Variants in ANKAR observed in about 807,000 individuals in gnomAD.
ANKAR encodes the protein ankyrin and armadillo repeat-containing protein.
Under a neutral mutation model 146.2 loss-of-function variants are expected in ANKAR, and 136 were observed. The observed-to-expected ratio is 0.93, with a 90% CI of 0.81 to 1.07. The LOEUF (loss-of-function observed/expected upper bound fraction) is 1.07. Ranked by LOEUF, ANKAR falls within the 50% of genes least tolerant of loss-of-function variation. The pLI is 0.00. For missense variants in ANKAR, 1,567 were observed against 1,679.9 expected (o/e 0.93, Z 1.18); for synonymous variants, 500 against 575.8 (o/e 0.87, Z 1.88).
intron 7 of ANKAR, 47 bp from the exon 8 acceptor site, chr2:189,704,976 G>C: frequency 6.4e-7 from 1 of 1,562,850 alleles, no homozygotes; most frequent in East Asian, 2.2e-5. Flanking sequence ...GTTTTTTTTA[G>C]GAATGGTAGT....
downstream of ANKAR, among the ~76,000 whole-genome samples, chr2:189,748,897 C>A (rs954501675): frequency 6.6e-6 from 1 of 152,116 alleles, no homozygotes; most frequent in African/African-American, 2.4e-5. Flanking sequence ...CCTAGCCAGA[C>A]CATCCTACCA....
At chr2:189,730,052 G>A (rs1347771537) in intron 15 of ANKAR, among the ~76,000 whole-genome samples, 1 of 151,774 alleles carries the variant, frequency 6.6e-6, no homozygotes, top group East Asian at 1.9e-4. Flanking sequence ...GTTATAAAGA[G>A]ACATAGTAAG....
chr2:189,734,126 G>A (rs1239006555), intron 17 of ANKAR, among the ~76,000 whole-genome samples: 3 of 152,048 alleles, frequency 2.0e-5, no homozygotes, highest in Non-Finnish European at 4.4e-5. Context: ...CATAGCATGA[G>A]GTATATAACG....
At chr2:189,685,684 G>C (rs2035477388) in intron 2 of ANKAR, among the ~76,000 whole-genome samples, 1 of 152,160 alleles carries the variant, frequency 6.6e-6, no homozygotes, top group African/African-American at 2.4e-5. Context: ...TGGGAAGCCT[G>C]TCCCCCAGAT....
At chr2:189,704,398 G>A (rs943603094) in intron 7 of ANKAR, among the ~76,000 whole-genome samples, 2 of 150,976 alleles carry the variant, frequency 1.3e-5, no homozygotes, top group Non-Finnish European at 3.0e-5. Flanking sequence ...ACCCACCTCA[G>A]CTTCCCAAAG....
chr2:189,707,052 A>T lies in ANKAR; in HGVS notation c.2025A>T (p.Ile675=). 11 of 1,611,126 alleles carry T rather than the reference A, an allele frequency of 6.8e-6. No homozygotes were observed. Among genetic ancestry groups the T allele is most frequent in the Non-Finnish European group, 9.3e-6 (11 of 1,177,638 alleles). Residue 675 remains isoleucine, a synonymous_variant, in exon 9 of 23, where the codon ATA becomes ATT. Coordinates refer to ENST00000684021, the MANE Select transcript of ANKAR (RefSeq NM_001378068.1). ...AAACAGATATTAAAGGAAATAATAT[A>T]ATCCATTTATCAGTGTTAACCTTTC... ...WRKTDIKGNN[I]IHLSVLTFHT... is the part of the protein sequence containing the mutation.
Position 189,727,980 on chromosome 2 carries a change from A to G in ANKAR, c.2760A>G (p.Gln920=), listed in dbSNP as rs1190445652. The G allele has an allele frequency of 2.5e-6, 4 of 1,613,962 alleles. No homozygotes were observed. The African/African-American group carries it at 5.3e-5, about 22-fold the overall frequency. ...TGGTGGCTCTTTTTAAAGGGAAACAAATTAGTGTCCAAATGAAAGGTGCAA... is the reference window on the plus strand; with the variant it reads ...TGGTGGCTCTTTTTAAAGGGAAACAGATTAGTGTCCAAATGAAAGGTGCAA... ...PPLVALFKGK[Q]ISVQMKGAMA... The change falls in exon 13 of 23, where the codon CAA becomes CAG. Residue 920 remains glutamine, a synonymous_variant. Transcript: ENST00000684021.
intron 8 of ANKAR, 36 bp from the exon 9 acceptor site, chr2:189,706,902 T>C (rs1359546619): frequency 1.3e-6 from 2 of 1,537,376 alleles, no homozygotes; most frequent in Admixed American, 1.9e-5. Context: ...TTTGACACTC[T>C]ATGCGTGTTT....
Position 189,676,599 on chromosome 2 carries a change from A to G in ANKAR, c.109A>G (p.Lys37Glu). The G allele has an allele frequency of 6.2e-7, 1 of 1,613,530 alleles. No homozygotes were observed. The change falls in exon 2 of 23, where the codon AAA (lysine) becomes GAA (glutamate). Residue 37 changes from lysine (K) to glutamate (E), a missense_variant. By Grantham distance (56) the Lys-to-Glu change is moderately conservative (BLOSUM62 1). Coordinates refer to ENST00000684021, the MANE Select transcript of ANKAR (RefSeq NM_001378068.1). ...IQRNASAFFE[K>E]YDRSEIQELL... ...AAGAAATGCATCTGCTTTTTTTGAAAAATATGATCGGAGTGAAATACAAGA... is the reference window on the plus strand; with the variant it reads ...AAGAAATGCATCTGCTTTTTTTGAAGAATATGATCGGAGTGAAATACAAGA...
intron 19 of ANKAR, among the ~76,000 whole-genome samples, chr2:189,740,734 C>T (rs1031939107): frequency 1.3e-5 from 2 of 151,236 alleles, no homozygotes; most frequent in African/African-American, 2.4e-5. Flanking sequence ...GCTCTTGTTG[C>T]CCAGGCTGTA....
At chr2:189,741,835 C>T (rs898858890) in intron 20 of ANKAR, among the ~76,000 whole-genome samples, 3 of 152,048 alleles carry the variant, frequency 2.0e-5, no homozygotes, top group Non-Finnish European at 4.4e-5. Flanking sequence ...AAAAACAAAA[C>T]CCTACAAAAT....
At chr2:189,740,767 C>T (rs922999298) in intron 19 of ANKAR, among the ~76,000 whole-genome samples, 1 of 151,664 alleles carries the variant, frequency 6.6e-6, no homozygotes, top group African/African-American at 2.4e-5. Context: ...GATCTCTGCT[C>T]ACTGCAACCT....
At chr2:189,720,563 A>G (rs556129513) in intron 11 of ANKAR, 56 bp from the exon 12 acceptor site, 1 of 1,222,968 alleles carries the variant, frequency 8.2e-7, no homozygotes, top group East Asian at 2.9e-5. Context: ...ATTTCTAAAT[A>G]AAGATTACAT....
At chr2:189,753,227 TTAATA>T (rs1252533749) in intron 18 of ANKAR, 3 of 244,276 alleles carry the variant, frequency 1.2e-5, no homozygotes, top group Non-Finnish European at 2.3e-5. Context: ...AAATATTTAT[TTAATA>T]TAATTTCAAT....
chr2:189,704,585 AT>A (rs1559088934), intron 7 of ANKAR, among the ~76,000 whole-genome samples: 2 of 114,418 alleles, frequency 1.7e-5, no homozygotes, highest in Non-Finnish European at 3.6e-5. Context: ...ATATATATAT[AT>A]ATATATATAT....
At chr2:189,690,428 GTAAT>G (rs1248895017) in intron 3 of ANKAR, among the ~76,000 whole-genome samples, 1 of 152,144 alleles carries the variant, frequency 6.6e-6, no homozygotes, top group Non-Finnish European at 1.5e-5. Flanking sequence ...TAAAACTACA[GTAAT>G]TAAATGAGGG....
At position 189,733,514 on chromosome 2, in the gene ANKAR, T is replaced by A. The variant is rs1005923922; in HGVS notation, c.3423+285T>A. Among the ~76,000 whole-genome samples, 4 of 152,230 alleles carry A rather than the reference T, an allele frequency of 2.6e-5. No homozygotes were observed. In the South Asian group the frequency reaches 8.3e-4, roughly 31 times the overall value. ...AAATCAAACCTTTACAATAATTTTA[T>A]GCCCTTTCAGCCCTCAGTCATTCAC... On this transcript the variant is annotated intron_variant, in intron 17 of 22. Transcript: ENST00000684021.
At chr2:189,731,270 A>C (rs2042369276) in intron 16 of ANKAR, among the ~76,000 whole-genome samples, 1 of 152,224 alleles carries the variant, frequency 6.6e-6, no homozygotes, top group Admixed American at 6.5e-5. Context: ...ACATCAAAAA[A>C]AATTTTATTT....
rs2037147510 is a variant in ANKAR at position 189,696,020 on chromosome 2, G to T, written c.1489-130G>T. 6.8e-6 allele frequency: 5 copies of T among 730,870 alleles called. No individual in the cohort carries two copies. In the Admixed American group the frequency reaches 1.2e-4, roughly 17 times the overall value. The allele number at this position is 730,870 out of a possible 1,614,324, so 45.3% of individuals were successfully genotyped here. Reference sequence around the variant, plus strand: ...TCCAGTAAGAAACTTTCCATGCATGGATCTTGTGAAAATTCTACTTAATTT... The same window carrying T: ...TCCAGTAAGAAACTTTCCATGCATGTATCTTGTGAAAATTCTACTTAATTT... On this transcript the variant is annotated intron_variant, in intron 6 of 22. Transcript: ENST00000684021.
Sources: allele counts gnomAD v4.1 joint callset (sites outside exome capture counted in the v4.1 genomes callset), GRCh38; gene constraint gnomAD v4.1.1; transcripts MANE v1.5; gene names NCBI Gene and HGNC (gene_info 2026-07-23, HGNC 2026-07-21).